PLPPR1: variants seen among roughly 807,000 people sequenced by gnomAD.
PLPPR1 encodes phospholipid phosphatase-related protein type 1.
Under a neutral mutation model 33.1 loss-of-function variants are expected in PLPPR1, and 10 were observed. The ratio of observed to expected loss-of-function variants is 0.30; its 90% CI spans 0.19 to 0.51. PLPPR1 has a LOEUF of 0.51. Ranked by LOEUF, PLPPR1 falls within the 20% of genes least tolerant of loss-of-function variation. The probability of loss-of-function intolerance (pLI) is 0.97; values close to 1 mark genes in which losing one functional copy is unlikely to be tolerated. For missense variants in PLPPR1, 304 were observed against 408.1 expected (o/e 0.74, Z 2.20); for synonymous variants, 151 against 151.0 (o/e 1.00, Z 0.00).
intron 1 of PLPPR1, among the ~76,000 whole-genome samples, chr9:101,081,253 T>TC (rs1299728441): frequency 2.2e-4 from 33 of 152,296 alleles, no homozygotes; most frequent in African/African-American, 7.5e-4. Context: ...TCTCGCTCTG[T>TC]CACCCGGGCT....
intron 2 of PLPPR1, among the ~76,000 whole-genome samples, chr9:101,209,728 C>G (rs546302005): frequency 6.6e-6 from 1 of 152,330 alleles, no homozygotes; most frequent in East Asian, 1.9e-4. Flanking sequence ...AGGAATCTGA[C>G]TATTCCGGGT....
chr9:101,166,341 A>ATT (rs1825858217), intron 1 of PLPPR1, among the ~76,000 whole-genome samples: 1 of 152,200 alleles, frequency 6.6e-6, no homozygotes, highest in African/African-American at 2.4e-5. Flanking sequence ...ATACCGCATT[A>ATT]TAGGCTCTGG....
intron 4 of PLPPR1, among the ~76,000 whole-genome samples, chr9:101,290,587 A>G (rs1225129491): frequency 6.6e-6 from 1 of 152,180 alleles, no homozygotes; most frequent in African/African-American, 2.4e-5. Flanking sequence ...CCCAAATTCC[A>G]CTGCAAATAA....
chr9:101,296,275 C>G (rs957938663), intron 4 of PLPPR1, among the ~76,000 whole-genome samples: 2 of 151,710 alleles, frequency 1.3e-5, no homozygotes, highest in Non-Finnish European at 2.9e-5. Flanking sequence ...GTTAGAATGG[C>G]AATCATTAAA....
At chr9:101,269,686 G>A (rs1207675158) in intron 2 of PLPPR1, 194 bp from the exon 3 acceptor site, 6 of 612,062 alleles carry the variant, frequency 9.8e-6, no homozygotes, top group Non-Finnish European at 1.8e-5. Flanking sequence ...TTGCTGGAAG[G>A]TTTATAGAAC....
intron 1 of PLPPR1, among the ~76,000 whole-genome samples, chr9:101,138,902 A>G (rs2771071): frequency 0.48 from 72,147 of 151,870 alleles, 17,712 homozygotes; most frequent in Non-Finnish European, 0.54. Context: ...ATTAAAGTTG[A>G]CTCTTCATGA....
At chr9:101,110,926 T>C (rs1831048169) in intron 1 of PLPPR1, among the ~76,000 whole-genome samples, 1 of 152,120 alleles carries the variant, frequency 6.6e-6, no homozygotes, top group South Asian at 2.1e-4. Context: ...AAAGCCATGG[T>C]CCCATAAGAT....
intron 2 of PLPPR1, among the ~76,000 whole-genome samples, chr9:101,254,843 T>C (rs990997915): frequency 6.6e-6 from 1 of 152,144 alleles, no homozygotes; most frequent in African/African-American, 2.4e-5. Context: ...TGACACTGTA[T>C]TGACAACCTT....
At chr9:101,180,020 G>A (rs184759042) in intron 1 of PLPPR1, among the ~76,000 whole-genome samples, 42 of 147,540 alleles carry the variant, frequency 2.8e-4, no homozygotes, top group African/African-American at 9.0e-4. Flanking sequence ...ACTGGCTCTC[G>A]TTGCTCCTCA....
At chr9:101,217,850 A>C (rs541851307) in intron 2 of PLPPR1, among the ~76,000 whole-genome samples, 13 of 152,348 alleles carry the variant, frequency 8.5e-5, no homozygotes, top group Non-Finnish European at 1.8e-4. Flanking sequence ...ACAAACTTAA[A>C]ATAATGATAA....
chr9:101,295,476 A>G (rs936772896), intron 4 of PLPPR1, among the ~76,000 whole-genome samples: 45 of 152,284 alleles, frequency 3.0e-4, no homozygotes, highest in African/African-American at 1.0e-3. Context: ...GGAACCAAAA[A>G]AGAGCCCACA....
intron 2 of PLPPR1, among the ~76,000 whole-genome samples, chr9:101,248,401 C>T (rs188887190): frequency 4.9e-4 from 74 of 152,046 alleles, no homozygotes; most frequent in African/African-American, 1.7e-3. Flanking sequence ...CTGCAAATAC[C>T]GACAAGGCAT....
At chr9:101,230,356 C>G (rs1443396886) in intron 2 of PLPPR1, among the ~76,000 whole-genome samples, 1 of 152,098 alleles carries the variant, frequency 6.6e-6, no homozygotes, top group East Asian at 1.9e-4. Context: ...TATTTCCTTT[C>G]ATATGGAAAG....
rs535138320 is a variant in PLPPR1, at chr9:101,234,815, C to T, written c.64-35065C>T. 2.0e-5 allele frequency among the ~76,000 whole-genome samples: 3 copies of T among 151,964 alleles called. No individual in the cohort carries two copies. The East Asian group carries it at 5.8e-4, about 29-fold the overall frequency. On this transcript the variant is annotated intron_variant, in intron 2 of 7. Transcript: ENST00000374874. The stretch of plus-strand genomic sequence containing the variant: ...TTAAAAGTGGGTGAGAATTAGTCTG[C>T]CTTCTTATTCTCCAAATAGACTTAA...
intron 1 of PLPPR1, among the ~76,000 whole-genome samples, chr9:101,131,276 C>T (rs551960463): frequency 2.6e-5 from 4 of 152,196 alleles, no homozygotes; most frequent in Admixed American, 6.5e-5. Flanking sequence ...CTCCTGAACC[C>T]GCTCATTAAT....
chr9:101,098,701 T>A (rs1041781885), intron 1 of PLPPR1, among the ~76,000 whole-genome samples: 1 of 152,034 alleles, frequency 6.6e-6, no homozygotes, highest in Non-Finnish European at 1.5e-5. Flanking sequence ...ATAGGAAAAG[T>A]GTATTTAATG....
At chr9:101,208,429 A>T (rs4742809) in intron 2 of PLPPR1, among the ~76,000 whole-genome samples, 67,795 of 151,998 alleles carry the variant, frequency 0.45, 16,502 homozygotes, top group African/African-American at 0.64. Flanking sequence ...TTAACATCCT[A>T]GGCTTTGCAT....
chr9:101,187,653 A>G (rs1826227032), intron 2 of PLPPR1: 1 of 151,932 alleles, frequency 6.6e-6, no homozygotes, highest in African/African-American at 2.4e-5. Context: ...TTGTTTACCT[A>G]TATTATTCCA....
chr9:101,030,879 C>T (rs1056900872), intron 1 of PLPPR1, among the ~76,000 whole-genome samples: 2 of 149,330 alleles, frequency 1.3e-5, no homozygotes, highest in African/African-American at 4.9e-5. Flanking sequence ...TGAGAAATGA[C>T]TTATGAAAGT....
Sources: gnomAD v4.1 joint callset for allele counts (sites outside exome capture counted in the v4.1 genomes callset) on GRCh38, gnomAD v4.1.1 for gene constraint, MANE v1.5 for transcripts, NCBI Gene and HGNC (gene_info 2026-07-23, HGNC 2026-07-21) for gene names.